MAML2: variants seen among roughly 807,000 people sequenced by gnomAD.
MAML2 encodes mastermind-like protein 2.
In MAML2, 22 loss-of-function variants were observed where a neutral mutation model predicts 96.1. The ratio of observed to expected loss-of-function variants is 0.23; its 90% CI spans 0.16 to 0.33. The LOEUF is 0.33. MAML2 is among the 10% of genes least tolerant of loss of function. MAML2 has a pLI of 1.00. For missense variants in MAML2, 1,367 were observed against 1,392.4 expected (o/e 0.98, Z 0.29); for synonymous variants, 561 against 521.3 (o/e 1.08, Z -1.04).
At chr11:96,335,097 A>G (rs917053729) in intron 1 of MAML2, among the ~76,000 whole-genome samples, 5 of 152,230 alleles carry the variant, frequency 3.3e-5, no homozygotes, top group Admixed American at 2.6e-4. Context: ...CTCCTTTGCC[A>G]TCTTTCCTTA....
chr11:96,176,904 G>A (rs1249313252), intron 1 of MAML2, among the ~76,000 whole-genome samples: 2 of 152,124 alleles, frequency 1.3e-5, no homozygotes, highest in Non-Finnish European at 1.5e-5. Flanking sequence ...GCAGGGAAAA[G>A]AATGACTGAG....
intron 1 of MAML2, among the ~76,000 whole-genome samples, chr11:96,222,224 C>T (rs1307370205): frequency 6.6e-6 from 1 of 152,194 alleles, no homozygotes; most frequent in African/African-American, 2.4e-5. Flanking sequence ...GAAACATACG[C>T]CTTGTGCTTT....
At chr11:96,001,658 C>T (rs920248468) in intron 2 of MAML2, among the ~76,000 whole-genome samples, 10 of 152,116 alleles carry the variant, frequency 6.6e-5, no homozygotes, top group East Asian at 1.9e-4. Context: ...CCACCGCAAA[C>T]GTTGGTATTT....
chr11:96,154,779 G>A (rs1183720380), intron 1 of MAML2, among the ~76,000 whole-genome samples: 1 of 152,190 alleles, frequency 6.6e-6, no homozygotes, highest in Non-Finnish European at 1.5e-5. Flanking sequence ...TGACAAGATA[G>A]TAACGTGCAG....
At chr11:96,179,082 C>G (rs1474195581) in intron 1 of MAML2, among the ~76,000 whole-genome samples, 2 of 152,146 alleles carry the variant, frequency 1.3e-5, no homozygotes, top group Admixed American at 6.5e-5. Flanking sequence ...GTGCAAGTGT[C>G]TGTCAAGTCT....
At chr11:95,989,338 C>T (rs1209401080) in intron 3 of MAML2, among the ~76,000 whole-genome samples, 1 of 152,100 alleles carries the variant, frequency 6.6e-6, no homozygotes, top group Non-Finnish European at 1.5e-5. Flanking sequence ...TTAAAAATCA[C>T]AAAAACAGCA....
chr11:96,238,616 G>A lies in MAML2; in HGVS notation c.513+102767C>T, dbSNP rs111976947. Among the ~76,000 whole-genome samples, 81 of 152,236 alleles carry A rather than the reference G, an allele frequency of 5.3e-4. 1 individual carries two copies. The Middle Eastern group carries it at 0.01, about 19-fold the overall frequency. On this transcript the variant is annotated intron_variant, in intron 1 of 4. Transcript: ENST00000524717. Reference sequence around the variant, plus strand: ...GTTTGATCCCATTGTAGCTATTATCGCTGCAGACAAAACTTCCTTTATTGA... The same window carrying A: ...GTTTGATCCCATTGTAGCTATTATCACTGCAGACAAAACTTCCTTTATTGA...
At chr11:96,113,182 A>AC (rs1565218546) in intron 1 of MAML2, among the ~76,000 whole-genome samples, 218 of 73,102 alleles carry the variant, frequency 3.0e-3, no homozygotes, top group Middle Eastern at 5.6e-3. Flanking sequence ...CAAAAAAAAA[A>AC]AAAAAAAACT....
At chr11:96,300,051 A>G (rs900432946) in intron 1 of MAML2, among the ~76,000 whole-genome samples, 1 of 152,170 alleles carries the variant, frequency 6.6e-6, no homozygotes, top group Non-Finnish European at 1.5e-5. Flanking sequence ...TTAATAAGAA[A>G]AGAACAGGAG....
At chr11:96,171,318 G>A (rs187855578) in intron 1 of MAML2, among the ~76,000 whole-genome samples, 4 of 152,158 alleles carry the variant, frequency 2.6e-5, no homozygotes, top group Admixed American at 1.3e-4. Flanking sequence ...CCCCAAGACC[G>A]GGCGCGTTCT....
intron 1 of MAML2, among the ~76,000 whole-genome samples, chr11:96,240,404 G>C (rs11021490): frequency 6.6e-6 from 1 of 151,034 alleles, no homozygotes; most frequent in African/African-American, 2.4e-5. Context: ...CAAAAAATTA[G>C]CCGGGCGCGG....
intron 1 of MAML2, among the ~76,000 whole-genome samples, chr11:96,128,496 A>G (rs1028980246): frequency 2.6e-5 from 4 of 152,112 alleles, no homozygotes; most frequent in African/African-American, 9.7e-5. Context: ...ATACATATCA[A>G]CCTTATATGC....
At position 95,977,351 on chromosome 11, in the gene MAML2, G is replaced by A; in HGVS notation, c.*1597C>T. 5.3e-6 allele frequency: 1 copy of A among 187,990 alleles called. No homozygotes were observed. Among genetic ancestry groups the A allele is most frequent in the Non-Finnish European group, 1.1e-5 (1 of 89,236 alleles). The allele number at this position is 187,990 out of a possible 1,614,324, so 11.6% of individuals were successfully genotyped here. On this transcript the variant is annotated 3_prime_UTR_variant, in exon 5 of 5. Coordinates refer to ENST00000524717, the MANE Select transcript of MAML2 (RefSeq NM_032427.4). ...CAAACTAGCACAGGGAAGATTCTGG[G>A]CCAGTGATGTTGGTATTGTAAAGAA...
intron 1 of MAML2, among the ~76,000 whole-genome samples, chr11:96,197,712 C>T (rs539528294): frequency 6.6e-6 from 1 of 152,176 alleles, no homozygotes; most frequent in Non-Finnish European, 1.5e-5. Context: ...TGGGAGCTTA[C>T]AGTCTAGCTC....
intron 1 of MAML2, among the ~76,000 whole-genome samples, chr11:96,207,635 G>T (rs1046613124): frequency 1.3e-5 from 2 of 152,184 alleles, no homozygotes; most frequent in African/African-American, 4.8e-5. Flanking sequence ...AAAAACAGAG[G>T]TGAAATCCAC....
In MAML2 at chr11:96,270,414, A is replaced by G. The variant is rs1458623538; in HGVS notation, c.513+70969T>C. On this transcript the variant is annotated intron_variant, in intron 1 of 4. Transcript: ENST00000524717. ...AACCTTTGCCTCCCGGGTTCAAGCA[A>G]TTGTCCTGACTCAGCCTCCCGAATA... Among the ~76,000 whole-genome samples, 3 of 152,090 alleles carry G rather than the reference A, an allele frequency of 2.0e-5. No homozygotes were observed. The East Asian group carries it at 5.8e-4, about 29-fold the overall frequency.
At chr11:96,027,249 A>G (rs2135742508) in intron 2 of MAML2, among the ~76,000 whole-genome samples, 1 of 152,268 alleles carries the variant, frequency 6.6e-6, no homozygotes, top group African/African-American at 2.4e-5. Context: ...CATTCAGCAA[A>G]TTTTTATAGA....
chr11:96,156,904 G>A (rs1168284819), intron 1 of MAML2, among the ~76,000 whole-genome samples: 1 of 152,154 alleles, frequency 6.6e-6, no homozygotes, highest in Non-Finnish European at 1.5e-5. Flanking sequence ...TCCTAAACTC[G>A]ATGTTCTTTT....
chr11:96,223,939 A>G (rs1202080943), intron 1 of MAML2, among the ~76,000 whole-genome samples: 1 of 152,188 alleles, frequency 6.6e-6, no homozygotes, highest in Non-Finnish European at 1.5e-5. Flanking sequence ...CAGTTTCCCA[A>G]AGTATTTTTT....
Sources: allele counts gnomAD v4.1 joint callset (sites outside exome capture counted in the v4.1 genomes callset), GRCh38; gene constraint gnomAD v4.1.1; transcripts MANE v1.5; gene names NCBI Gene and HGNC (gene_info 2026-07-23, HGNC 2026-07-21).